RHPN1: variants seen among roughly 807,000 people sequenced by gnomAD.
The protein encoded by RHPN1 is rhophilin-1.
In RHPN1, 77 loss-of-function variants were observed where a neutral mutation model predicts 74.7. The observed-to-expected ratio is 1.03, with a 90% CI of 0.86 to 1.25. The LOEUF is 1.25. Among genes scored for constraint, RHPN1 ranks in the 50% most tolerant of loss-of-function variants. The probability of loss-of-function intolerance (pLI) is 0.00; values close to 1 mark genes in which losing one functional copy is unlikely to be tolerated. For synonymous variants in RHPN1, 444 were observed against 414.5 expected, an observed-to-expected ratio of 1.07 and a Z score of -0.87; for missense variants, 987 against 932.2, an observed-to-expected ratio of 1.06 and a Z score of -0.77.
rs367688797 is a variant in RHPN1, at chr8:143,378,666, C to T, written c.460-30C>T. ...TGTGTGTGAGTGGGGTGGGCCAGGG[C>T]GGTGGGGCCCAGTGGCTCCTGCCCT... On this transcript the variant is annotated intron_variant, in intron 5 of 14. Coordinates refer to ENST00000289013, the MANE Select transcript of RHPN1 (RefSeq NM_052924.3). 9.5e-6 allele frequency: 15 copies of T among 1,585,814 alleles called. No homozygotes were observed. In the East Asian group the frequency reaches 2.3e-4, roughly 24 times the overall value.
At chr8:143,379,169 G>A (rs1732286438) in intron 7 of RHPN1, 91 bp downstream of exon 7, 16 of 1,401,364 alleles carry the variant, frequency 1.1e-5, no homozygotes, top group Non-Finnish European at 1.5e-5. Flanking sequence ...GAGTGGTTAG[G>A]ACATCAGTCC....
At chr8:143,371,989 G>A (rs894216735) in intron 1 of RHPN1, among the ~76,000 whole-genome samples, 4 of 152,302 alleles carry the variant, frequency 2.6e-5, no homozygotes, top group Admixed American at 2.0e-4. Flanking sequence ...CTGCTCCTCC[G>A]CCTGTAGGCC....
At chr8:143,377,122 G>A (rs1818328464) in intron 3 of RHPN1, among the ~76,000 whole-genome samples, 1 of 152,006 alleles carries the variant, frequency 6.6e-6, no homozygotes, top group South Asian at 2.1e-4. Flanking sequence ...GTGTCTGCAT[G>A]TGTATGCACG....
At chr8:143,382,296 G>A (rs984922871) in intron 14 of RHPN1, 140 bp from the exon 15 acceptor site, 3 of 753,464 alleles carry the variant, frequency 4.0e-6, no homozygotes, top group East Asian at 2.7e-5. Flanking sequence ...CCCCTGCTAT[G>A]TGGCCACCCT....
At chr8:143,366,862 C>CT (rs1817565101), upstream of RHPN1, 1 of 152,368 alleles carries the variant, frequency 6.6e-6, no homozygotes, top group East Asian at 1.9e-4. Context: ...ATAGCTGACT[C>CT]TGAAGACTGC....
intron 2 of RHPN1, 56 bp downstream of exon 2, chr8:143,375,724 C>T (rs1461508281): frequency 1.3e-5 from 18 of 1,333,644 alleles, no homozygotes; most frequent in Non-Finnish European, 1.8e-5. Context: ...GTGAGGGGGG[C>T]AGGACAGCCA....
At position 143,379,319 on chromosome 8, in the gene RHPN1, C is replaced by T. The variant is rs1260349809; in HGVS notation, c.756C>T (p.Ala252=). ...TGAGCACCCCTCCCTCCGCAGGGGC[C>T]TTCAGCCTCCTGAGGGAGAACTTCT... ...AMEAFQRAAG[A]FSLLRENFSH... is the part of the protein sequence containing the mutation. The change falls in exon 8 of 15, where the codon GCC becomes GCT. Residue 252 remains alanine, a synonymous_variant. Transcript: ENST00000289013. The T allele has an allele frequency of 1.3e-6, 2 of 1,587,972 alleles. No homozygotes were observed. The highest frequency in any genetic ancestry group is 2.7e-5 in the African/African-American group (2 of 74,378).
rs1386449931 is a variant in RHPN1, at chr8:143,380,702, C to CTGCAGCGCTCACTGGCCAAGTA, written c.1334_1355dup (p.Glu453AlafsTer12). The CTGCAGCGCTCACTGGCCAAGTA allele has an allele frequency of 6.3e-7, 1 of 1,589,722 alleles. No homozygotes were observed. The highest frequency in any genetic ancestry group is 8.6e-7 in the Non-Finnish European group (1 of 1,168,732). On this transcript the variant is annotated frameshift_variant, in exon 11 of 15. Coordinates refer to ENST00000289013, the MANE Select transcript of RHPN1 (RefSeq NM_052924.3). LOFTEE classifies it high-confidence loss of function. ...GCTTCGGGCTGTGATCTCCCAGACGCTGCAGCGCTCACTGGCCAAGTATGC... is the reference window on the plus strand; with the variant it reads ...GCTTCGGGCTGTGATCTCCCAGACGCTGCAGCGCTCACTGGCCAAGTATGCAGCGCTCACTGGCCAAGTATGC...
intron 4 of RHPN1, 138 bp from the exon 5 acceptor site, chr8:143,378,131 C>A (rs955780963): frequency 2.8e-6 from 2 of 721,692 alleles, no homozygotes; most frequent in Non-Finnish European, 4.7e-6. Flanking sequence ...AGGGCCCCCA[C>A]GCTGCATGGC....
intron 3 of RHPN1, among the ~76,000 whole-genome samples, chr8:143,377,151 T>C (rs970469140): frequency 1.3e-5 from 2 of 152,182 alleles, no homozygotes; most frequent in Admixed American, 6.5e-5. Context: ...TGTGTGTGTG[T>C]GTGCGCGCGC....
In RHPN1 at chr8:143,375,653, C is replaced by T; in HGVS notation, c.161C>T (p.Ala54Val). The T allele has an allele frequency of 6.2e-7, 1 of 1,607,754 alleles. No homozygotes were observed. Among genetic ancestry groups the T allele is most frequent in the South Asian group, 1.1e-5 (1 of 90,372 alleles). The stretch of plus-strand genomic sequence containing the variant: ...AAGGAGCTGCAGATGCGGACGGGCG[C>T]TGAGAACCTCTACAGGTCAGTGCTT... ...IDKELQMRTG[A>V]ENLYRATSNN... Residue 54 changes from alanine to valine, a missense_variant, in exon 2 of 15, where the codon GCT (alanine) becomes GTT (valine). Ala to Val is a moderately conservative substitution (Grantham distance 64). Transcript: ENST00000289013.
intron 1 of RHPN1, among the ~76,000 whole-genome samples, chr8:143,372,272 C>T (rs116059651): frequency 0.011 from 1,270 of 115,352 alleles, 15 homozygotes; most frequent in African/African-American, 0.038. Flanking sequence ...CAGAGGCCCT[C>T]GAGGTGGTAG....
intron 8 of RHPN1, 130 bp downstream of exon 8, chr8:143,379,638 T>C: frequency 6.9e-7 from 1 of 1,445,708 alleles, no homozygotes. Flanking sequence ...GTTGTCCTGC[T>C]CCCTGGGGGG....
rs1818918205 is a variant in RHPN1, at chr8:143,384,117, C to G, written c.*1466C>G. The G allele has an allele frequency of 6.6e-6, 1 of 152,160 alleles. No individual in the cohort carries two copies. The highest frequency in any genetic ancestry group is 6.5e-5 in the Admixed American group (1 of 15,276). The allele number at this position is 152,160 out of a possible 1,614,324, so 9.4% of individuals were successfully genotyped here. The stretch of plus-strand genomic sequence containing the variant: ...GAGCCGGGGTGGGGGTCCAGGTCCC[C>G]CACTTGCCCTTGTGGGAAAATCCCT... On this transcript the variant is annotated 3_prime_UTR_variant, in exon 15 of 15. Coordinates refer to ENST00000289013, the MANE Select transcript of RHPN1 (RefSeq NM_052924.3).
chr8:143,370,190 G>A (rs1017042345), intron 1 of RHPN1, among the ~76,000 whole-genome samples: 1 of 152,200 alleles, frequency 6.6e-6, no homozygotes, highest in Non-Finnish European at 1.5e-5. Flanking sequence ...ACGCTTTTCA[G>A]GCTGGGGGCT....
rs748603739 is a variant in RHPN1 at position 143,381,981 on chromosome 8, G to A, written c.1797+13G>A. 27 of 1,564,032 alleles carry A rather than the reference G, an allele frequency of 1.7e-5. No individual in the cohort carries two copies. In the South Asian group the frequency reaches 3.1e-4, roughly 18 times the overall value. ...ACTGCCCAGCTTGGTGAGCCCCTGG[G>A]GCCCCAGAGGGGCGGTCCCCAGCTT... On this transcript the variant is annotated intron_variant, in intron 14 of 14. Transcript: ENST00000289013.
chr8:143,382,345 C>T, intron 14 of RHPN1, 91 bp from the exon 15 acceptor site: 1 of 1,174,736 alleles, frequency 8.5e-7, no homozygotes, highest in Admixed American at 2.1e-5. Flanking sequence ...GTGCCAGCCC[C>T]TCCCAGGTGG....
At chr8:143,368,842 CA>C, upstream of RHPN1, 1 of 430,388 alleles carries the variant, frequency 2.3e-6, no homozygotes, top group Non-Finnish European at 3.8e-6. Context: ...GGGCCGCCCC[CA>C]CTCAGGAGGG....
intron 1 of RHPN1, among the ~76,000 whole-genome samples, chr8:143,374,678 G>C (rs1818094506): frequency 6.6e-6 from 1 of 152,246 alleles, no homozygotes; most frequent in African/African-American, 2.4e-5. Context: ...GAAGAGTGGG[G>C]GTTGGGAGGC....
Sources: gnomAD v4.1 joint callset for allele counts (sites outside exome capture counted in the v4.1 genomes callset) on GRCh38, gnomAD v4.1.1 for gene constraint, MANE v1.5 for transcripts, NCBI Gene and HGNC (gene_info 2026-07-23, HGNC 2026-07-21) for gene names.